CDH18: variants seen among roughly 807,000 people sequenced by gnomAD.
The protein encoded by CDH18 is cadherin 18, also known as cadherin-18.
Under a neutral mutation model 67.9 loss-of-function variants are expected in CDH18, and 31 were observed. The observed-to-expected ratio is 0.46, with a 90% CI of 0.34 to 0.62. The LOEUF (loss-of-function observed/expected upper bound fraction) is 0.62. Among genes scored for constraint, CDH18 ranks in the 20% least tolerant of loss-of-function variants. The pLI is 0.01. For synonymous variants in CDH18, 362 were observed against 347.2 expected (o/e 1.04, Z -0.48); for missense variants, 890 against 975.5 (o/e 0.91, Z 1.17).
Position 19,473,695 on chromosome 5 carries a change from G to T in CDH18, c.1904C>A (p.Thr635Asn), listed in dbSNP as rs147821413. The T allele has an allele frequency of 7.5e-6, 12 of 1,603,160 alleles. No homozygotes were observed. Among genetic ancestry groups the T allele is most frequent in the Non-Finnish European group, 1.0e-5 (12 of 1,174,748 alleles). Reference sequence around the variant, plus strand: ...GGGCTCTTTTTTGCTGCGCCTCAGGGTGATAAAAAGTACCACAATTGCTGA... The same window carrying T: ...GGGCTCTTTTTTGCTGCGCCTCAGGTTGATAAAAAGTACCACAATTGCTGA... ...ILLAIVVLFI[T>N]LRRSKKEPLI... The change falls in exon 13 of 13, where the codon ACC becomes AAC. Residue 635 changes from threonine to asparagine, a missense_variant. Thr to Asn is a moderately conservative substitution (Grantham distance 65). Around this residue, in one of 2 missense-constraint regions of CDH18, gnomAD observed 656 missense variants for 668.1 expected, o/e 0.98. Transcript: ENST00000382275.
At chr5:19,919,561 T>C (rs1792208786) in intron 2 of CDH18, among the ~76,000 whole-genome samples, 1 of 152,186 alleles carries the variant, frequency 6.6e-6, no homozygotes, top group Non-Finnish European at 1.5e-5. Flanking sequence ...ATTGGAGAAT[T>C]GCTTGATGTG....
At chr5:19,920,510 C>CTTTTTTTTTTTTTTT (rs66464033) in intron 2 of CDH18, among the ~76,000 whole-genome samples, 2 of 83,008 alleles carry the variant, frequency 2.4e-5, no homozygotes, top group African/African-American at 4.0e-5. Context: ...TTTAACCTTA[C>CTTTTTTTTTTTTTTT]TTTTTTTTTT....
intron 2 of CDH18, among the ~76,000 whole-genome samples, chr5:20,215,964 A>T (rs1195430747): frequency 6.6e-6 from 1 of 151,840 alleles, no homozygotes; most frequent in African/African-American, 2.4e-5. Flanking sequence ...ACACATATTA[A>T]GTCTTATCAA....
chr5:20,015,797 C>G lies in CDH18; in HGVS notation c.-517-23783G>C, dbSNP rs1737827485. Among the ~76,000 whole-genome samples the G allele has an allele frequency of 2.6e-5, 4 of 152,128 alleles. No homozygotes were observed. In the South Asian group the frequency reaches 8.3e-4, roughly 32 times the overall value. On this transcript the variant is annotated intron_variant, in intron 2 of 14. Transcript: ENST00000507958. ...AGAAATGGCAGACCATTTGACTAATCAAGATGTAGGTGTTTTGCTCTATTG... is the reference window on the plus strand; with the variant it reads ...AGAAATGGCAGACCATTTGACTAATGAAGATGTAGGTGTTTTGCTCTATTG...
At position 19,534,174 on chromosome 5, in the gene CDH18, T is replaced by C. The variant is rs76423294; in HGVS notation, c.1390+9695A>G. Among the ~76,000 whole-genome samples the C allele has an allele frequency of 5.9e-3, 894 of 152,220 alleles. 21 individuals carry two copies. Among genetic ancestry groups the C allele is most frequent in the Admixed American group, 0.041 (630 of 15,282 alleles). Reference sequence around the variant, plus strand: ...TTAACCATGAGCAATAATAAAAATATAGGCCTGATGGTCCTGAGTCAGTGT... The same window carrying C: ...TTAACCATGAGCAATAATAAAAATACAGGCCTGATGGTCCTGAGTCAGTGT... On this transcript the variant is annotated intron_variant, in intron 9 of 12. Coordinates refer to ENST00000382275, the MANE Select transcript of CDH18 (RefSeq NM_004934.5).
intron 2 of CDH18, among the ~76,000 whole-genome samples, chr5:20,239,394 C>T (rs748558619): frequency 4.2e-4 from 64 of 152,028 alleles, no homozygotes; most frequent in African/African-American, 1.3e-3. Context: ...AGGCAGAGGT[C>T]GCAGCAAGCC....
intron 2 of CDH18, among the ~76,000 whole-genome samples, chr5:20,157,704 A>T (rs540964695): frequency 2.0e-5 from 3 of 150,440 alleles, no homozygotes; most frequent in South Asian, 4.2e-4. Flanking sequence ...GTGCAATGGC[A>T]TGATCTTGGC....
chr5:19,661,047 A>G (rs1757097243), intron 5 of CDH18, among the ~76,000 whole-genome samples: 1 of 152,172 alleles, frequency 6.6e-6, no homozygotes, highest in Non-Finnish European at 1.5e-5. Context: ...CAACCAATCA[A>G]AGAAAGAAAA....
intron 2 of CDH18, among the ~76,000 whole-genome samples, chr5:20,063,511 GA>G (rs1034724781): frequency 7.2e-5 from 11 of 151,812 alleles, no homozygotes; most frequent in African/African-American, 2.7e-4. Context: ...CCACACAGTA[GA>G]AAAAAAATTT....
intron 1 of CDH18, chr5:20,305,492 T>A: frequency 8.4e-7 from 1 of 1,190,064 alleles, no homozygotes; most frequent in Non-Finnish European, 1.3e-6. Context: ...TCGCTGGGTC[T>A]TGGGTGCCGC....
chr5:19,746,137 T>A (rs880572), intron 4 of CDH18, among the ~76,000 whole-genome samples: 13,575 of 152,040 alleles, frequency 0.089, 1,443 homozygotes, highest in East Asian at 0.24. Context: ...AACTACTTTT[T>A]AAAAAATCAT....
chr5:20,509,619 C>T (rs796532568), intron 1 of CDH18, among the ~76,000 whole-genome samples: 2 of 152,382 alleles, frequency 1.3e-5, no homozygotes, highest in African/African-American at 4.8e-5. Flanking sequence ...ATGGGTTTCA[C>T]CATGTTGGCC....
At chr5:19,857,805 G>C (rs1784469114) in intron 2 of CDH18, among the ~76,000 whole-genome samples, 1 of 152,050 alleles carries the variant, frequency 6.6e-6, no homozygotes, top group Non-Finnish European at 1.5e-5. Context: ...TTATACCTCA[G>C]TTAGATTAGG....
In CDH18 at chr5:20,156,294, C is replaced by A. The variant is rs572702932; in HGVS notation, c.-518+99150G>T. 1.6e-4 allele frequency among the ~76,000 whole-genome samples: 25 copies of A among 152,196 alleles called. No homozygotes were observed. The South Asian group carries it at 4.8e-3, about 29-fold the overall frequency. ...GATACGCTCGTTATGTTTATCACAG[C>A]GCTATTCACAATAGCAAAATCATGG... On this transcript the variant is annotated intron_variant, in intron 2 of 14. Coordinates refer to the CDH18 transcript ENST00000507958.
At chr5:20,234,874 AT>A (rs1393627627) in intron 2 of CDH18, among the ~76,000 whole-genome samples, 34 of 152,292 alleles carry the variant, frequency 2.2e-4, no homozygotes, top group Admixed American at 1.6e-3. Flanking sequence ...GAAACCGCAG[AT>A]GATGAATCTT....
At chr5:19,624,706 C>T (rs55645182) in intron 5 of CDH18, among the ~76,000 whole-genome samples, 8,792 of 152,208 alleles carry the variant, frequency 0.058, 289 homozygotes, top group Non-Finnish European at 0.074. Flanking sequence ...ATGCACTCCC[C>T]ATGCTGGAGA....
chr5:20,126,510 C>G (rs1748842707), intron 2 of CDH18, among the ~76,000 whole-genome samples: 1 of 152,076 alleles, frequency 6.6e-6, no homozygotes, highest in Non-Finnish European at 1.5e-5. Flanking sequence ...AAACAATCAA[C>G]AAAACAAAAG....
At chr5:19,696,951 C>T (rs1762616730) in intron 5 of CDH18, among the ~76,000 whole-genome samples, 1 of 152,086 alleles carries the variant, frequency 6.6e-6, no homozygotes, top group Admixed American at 6.6e-5. Context: ...TGCAATATAA[C>T]CATTTGTTTT....
chr5:19,937,017 C>T (rs1273045266), intron 2 of CDH18, among the ~76,000 whole-genome samples: 1 of 151,116 alleles, frequency 6.6e-6, no homozygotes, highest in East Asian at 1.9e-4. Flanking sequence ...TATTTATGTA[C>T]ACTCATATGT....
Sources: gnomAD v4.1 joint callset for allele counts (sites outside exome capture counted in the v4.1 genomes callset) on GRCh38, gnomAD v4.1.1 for gene constraint, gnomAD v4.1.1 regional missense constraint, MANE v1.5 for transcripts, NCBI Gene and HGNC (gene_info 2026-07-23, HGNC 2026-07-21) for gene names.